CLMN: variants seen among roughly 807,000 people sequenced by gnomAD.
The protein encoded by CLMN is calmin.
CLMN carries 57 observed loss-of-function variants against 92.7 expected under a neutral mutation model. The ratio of observed to expected loss-of-function variants is 0.61; its 90% CI spans 0.50 to 0.77. The LOEUF is 0.77. CLMN is among the 30% of genes least tolerant of loss of function. CLMN has a pLI of 0.00. For synonymous variants in CLMN, 466 were observed against 470.6 expected (o/e 0.99, Z 0.13); for missense variants, 1,158 against 1,237.5 (o/e 0.94, Z 0.96).
chr14:95,274,873 G>A (rs532746987), intron 1 of CLMN, among the ~76,000 whole-genome samples: 63 of 151,986 alleles, frequency 4.1e-4, no homozygotes, highest in Middle Eastern at 3.4e-3. Context: ...TAGCTACTCA[G>A]GAGACTGAAG....
chr14:95,283,175 G>C (rs1475336099), intron 1 of CLMN, among the ~76,000 whole-genome samples: 1 of 152,232 alleles, frequency 6.6e-6, no homozygotes, highest in South Asian at 2.1e-4. Flanking sequence ...TGCTATTCTT[G>C]TAATAGTGAA....
chr14:95,199,553 C>A (rs12432400), intron 9 of CLMN, among the ~76,000 whole-genome samples: 6 of 152,184 alleles, frequency 3.9e-5, no homozygotes, highest in Admixed American at 6.5e-5. Context: ...TTGTCCCCTA[C>A]ACTGGCAGGC....
At chr14:95,311,424 G>T (rs1901534474) in intron 1 of CLMN, among the ~76,000 whole-genome samples, 1 of 152,136 alleles carries the variant, frequency 6.6e-6, no homozygotes, top group African/African-American at 2.4e-5. Context: ...GTTAGACCGG[G>T]AGGTCTGCAG....
chr14:95,203,621 G>A lies in CLMN; in HGVS notation c.1728C>T (p.Thr576=). The A allele has an allele frequency of 4.3e-6, 7 of 1,614,096 alleles. No homozygotes were observed. The highest frequency in any genetic ancestry group is 5.9e-6 in the Non-Finnish European group (7 of 1,180,010). Residue 576 remains threonine, a synonymous_variant, in exon 9 of 13, where the codon ACC becomes ACT. Transcript: ENST00000298912. The part of the protein sequence containing the change: ...FNSDLIDFAS[T]SQAFNKVPSP... ...AAGGAACTTTGTTGAAAGCCTGGCT[G>A]GTAGAAGCAAAATCTATTAGGTCGC... is the stretch of plus-strand genomic sequence containing the variant.
intron 1 of CLMN, among the ~76,000 whole-genome samples, chr14:95,305,080 G>A (rs893223719): frequency 3.9e-5 from 6 of 152,214 alleles, no homozygotes; most frequent in Admixed American, 6.5e-5. Flanking sequence ...CAGATCAAGC[G>A]AAGCCAAGAG....
At position 95,189,303 on chromosome 14, in the gene CLMN, C is replaced by T. The variant is rs960334402; in HGVS notation, c.*2261G>A. On this transcript the variant is annotated 3_prime_UTR_variant, in exon 13 of 13. Coordinates refer to ENST00000298912, the MANE Select transcript of CLMN (RefSeq NM_024734.4). ...GTTGAAAGTGGTTACTTCTAAGCAGCGAGACTTAGGGGACTGCTAGTTCTT... is the reference window on the plus strand; with the variant it reads ...GTTGAAAGTGGTTACTTCTAAGCAGTGAGACTTAGGGGACTGCTAGTTCTT... The T allele has an allele frequency of 6.6e-6, 1 of 152,158 alleles. No homozygotes were observed. Among genetic ancestry groups the T allele is most frequent in the Admixed American group, 6.5e-5 (1 of 15,274 alleles). The allele number at this position is 152,158 out of a possible 1,614,324, so 9.4% of individuals were successfully genotyped here. A position where few individuals can be genotyped will look rare whatever the true frequency, so the allele number is the denominator to read the frequency against.
At chr14:95,297,201 G>T (rs1464125197) in intron 1 of CLMN, among the ~76,000 whole-genome samples, 1 of 152,122 alleles carries the variant, frequency 6.6e-6, no homozygotes, top group Admixed American at 6.5e-5. Flanking sequence ...AGGAGGAAGG[G>T]ATTTCAAAAA....
intron 1 of CLMN, among the ~76,000 whole-genome samples, chr14:95,289,266 A>C (rs1900458968): frequency 6.6e-6 from 1 of 152,162 alleles, no homozygotes; most frequent in Non-Finnish European, 1.5e-5. Flanking sequence ...CAATACAGGC[A>C]GATTGCCTGA....
chr14:95,280,941 T>C (rs1038155075), intron 1 of CLMN, among the ~76,000 whole-genome samples: 1 of 152,224 alleles, frequency 6.6e-6, no homozygotes, highest in African/African-American at 2.4e-5. Flanking sequence ...CTTTTTGTCA[T>C]CCACAGACAA....
intron 4 of CLMN, 114 bp from the exon 5 acceptor site, chr14:95,215,847 GTGTGTGTGTGTGTT>G: frequency 1.7e-6 from 1 of 580,714 alleles, no homozygotes. Flanking sequence ...GTGTGTGTGT[GTGTGTGTGTGTGTT>G]TGCATGAGCC....
At chr14:95,267,242 A>G (rs1209502821) in intron 1 of CLMN, among the ~76,000 whole-genome samples, 2 of 152,208 alleles carry the variant, frequency 1.3e-5, no homozygotes, top group Non-Finnish European at 2.9e-5. Flanking sequence ...AAGAGACAAC[A>G]TACAGAATGG....
intron 4 of CLMN, 80 bp from the exon 5 acceptor site, chr14:95,215,813 CTCTGTGTGTGTGTGTGTGTGTGTGTGTG>C (rs1897323794): frequency 2.3e-6 from 2 of 851,398 alleles, no homozygotes; most frequent in African/African-American, 3.8e-5. Flanking sequence ...CTCTCTCTCT[CTCTGTGTGTGTGTGTGTGTGTGTGTGTG>C]TGTGTGTGTG....
At chr14:95,306,348 T>C (rs1901275817) in intron 1 of CLMN, among the ~76,000 whole-genome samples, 2 of 151,984 alleles carry the variant, frequency 1.3e-5, no homozygotes. Flanking sequence ...CCCATCTCTC[T>C]GAAAACACAA....
At chr14:95,212,946 C>T (rs1897239123) in intron 6 of CLMN, among the ~76,000 whole-genome samples, 2 of 151,972 alleles carry the variant, frequency 1.3e-5, no homozygotes, top group Admixed American at 6.5e-5. Flanking sequence ...CCACCACGCC[C>T]GGCTAATTTT....
At chr14:95,273,913 C>T (rs564477339) in intron 1 of CLMN, among the ~76,000 whole-genome samples, 1 of 152,282 alleles carries the variant, frequency 6.6e-6, no homozygotes, top group African/African-American at 2.4e-5. Context: ...CTACGACACG[C>T]TCCTCCCAGC....
chr14:95,271,188 T>C (rs915597155), intron 1 of CLMN, among the ~76,000 whole-genome samples: 1 of 152,240 alleles, frequency 6.6e-6, no homozygotes, highest in Non-Finnish European at 1.5e-5. Context: ...AAGAGTTCTT[T>C]ATTCATTGTG....
At chr14:95,317,400 T>C (rs1323978129) in intron 1 of CLMN, among the ~76,000 whole-genome samples, 1 of 152,192 alleles carries the variant, frequency 6.6e-6, no homozygotes, top group East Asian at 1.9e-4. Context: ...ACGGTAACTC[T>C]ACAGTGCTAA....
At chr14:95,291,281 T>C (rs1484473717) in intron 1 of CLMN, among the ~76,000 whole-genome samples, 2 of 152,152 alleles carry the variant, frequency 1.3e-5, no homozygotes, top group Admixed American at 1.3e-4. Context: ...TGCAGGCGCC[T>C]GTGAAATGGG....
At chr14:95,212,941 A>T (rs1418971109) in intron 6 of CLMN, among the ~76,000 whole-genome samples, 1 of 151,914 alleles carries the variant, frequency 6.6e-6, no homozygotes, top group African/African-American at 2.4e-5. Context: ...GCCCGCCACC[A>T]CGCCCGGCTA....
Sources: gnomAD v4.1 joint callset for allele counts (sites outside exome capture counted in the v4.1 genomes callset) on GRCh38, gnomAD v4.1.1 for gene constraint, MANE v1.5 for transcripts, NCBI Gene and HGNC (gene_info 2026-07-23, HGNC 2026-07-21) for gene names.